The following CCDC33 variants were observed in gnomAD, a reference collection of about 807,000 sequenced individuals.
CCDC33 encodes coiled-coil domain containing 33.
Under a neutral mutation model 91.9 loss-of-function variants are expected in CCDC33, and 94 were observed. That is an observed-to-expected ratio of 1.02 (90% CI 0.87 to 1.21). The LOEUF is 1.21. Ranked by LOEUF, CCDC33 falls within the 50% of genes most tolerant of loss-of-function variation. The pLI is 0.00. For missense variants in CCDC33, 940 were observed against 935.5 expected (o/e 1.00, Z -0.06); for synonymous variants, 396 against 374.5 (o/e 1.06, Z -0.66).
chr15:74,331,358 CT>C, intron 15 of CCDC33, 62 bp downstream of exon 15: 1 of 1,538,222 alleles, frequency 6.5e-7, no homozygotes, highest in African/African-American at 1.4e-5. Flanking sequence ...GAGGCCCTGC[CT>C]TCCTGGAGCC....
chr15:74,307,958 CTG>C (rs915083030), intron 11 of CCDC33, among the ~76,000 whole-genome samples: 1 of 147,592 alleles, frequency 6.8e-6, no homozygotes, highest in African/African-American at 2.5e-5. Flanking sequence ...CTATGAGACT[CTG>C]TGGGCTCTCT....
intron 17 of CCDC33, 147 bp from the exon 18 acceptor site, chr15:74,334,828 C>G (rs1192134928): frequency 2.9e-6 from 2 of 686,388 alleles, no homozygotes; most frequent in African/African-American, 3.6e-5. Context: ...ACCCCGCCAC[C>G]CCTGAGGTCT....
chr15:74,277,498 C>T (rs2076479591), intron 7 of CCDC33, among the ~76,000 whole-genome samples: 4 of 152,204 alleles, frequency 2.6e-5, no homozygotes, highest in Admixed American at 2.6e-4. Flanking sequence ...CTGAAGATCA[C>T]AGCTGAGGGT....
chr15:74,308,787 G>A (rs1015509288), intron 11 of CCDC33, among the ~76,000 whole-genome samples: 3 of 152,178 alleles, frequency 2.0e-5, no homozygotes, highest in Non-Finnish European at 4.4e-5. Flanking sequence ...AGAGGGGCTC[G>A]GGGATTTGGA....
chr15:74,331,015 A>G lies in CCDC33; in HGVS notation c.1580A>G (p.Tyr527Cys). 6.2e-7 allele frequency: 1 copy of G among 1,608,994 alleles called. No homozygotes were observed. The highest frequency in any genetic ancestry group is 8.5e-7 in the Non-Finnish European group (1 of 1,177,624). ...CGAGAGAAGGAGCTGCTCCTTCTGT[A>G]TCAGGCCCAGCAGCCACAGGCCGCT... ...NDREKELLLL[Y>C]QAQQPQAALL... Residue 527 changes from tyrosine (Y) to cysteine (C), a missense_variant, in exon 14 of 19, where the codon TAT (tyrosine) becomes TGT (cysteine). Physicochemically the swap from Tyr to Cys is radical, Grantham distance 194. Coordinates refer to ENST00000398814, the MANE Select transcript of CCDC33 (RefSeq NM_025055.5).
At chr15:74,312,779 C>G (rs2060016482) in intron 11 of CCDC33, among the ~76,000 whole-genome samples, 1 of 152,144 alleles carries the variant, frequency 6.6e-6, no homozygotes, top group Admixed American at 6.5e-5. Flanking sequence ...ACTGTCTCCC[C>G]CCTCAGTCTA....
In CCDC33 at chr15:74,209,101, C is replaced by G. The variant is rs2074327584; in HGVS notation, n.90-287C>G. 6.9e-6 allele frequency: 9 copies of G among 1,308,210 alleles called. No homozygotes were observed. In the South Asian group the frequency reaches 1.8e-4, roughly 27 times the overall value. The allele number at this position is 1,308,210 out of a possible 1,614,324, so 81.0% of individuals were successfully genotyped here. ...CCCTCCTCCTGCCCTCACAGACCTC[C>G]CGCCCTTGATTCCGGGATCAGAGGA... On this transcript the variant is annotated intron_variant and non_coding_transcript_variant, in intron 1 of 3. Coordinates refer to the CCDC33 transcript ENST00000558645.
intron 9 of CCDC33, 45 bp from the exon 10 acceptor site, chr15:74,281,733 G>T: frequency 6.5e-7 from 1 of 1,541,928 alleles, no homozygotes; most frequent in South Asian, 1.1e-5. Context: ...AGAGGCGGAA[G>T]CTGCCCTGGC....
intron 11 of CCDC33, among the ~76,000 whole-genome samples, chr15:74,321,273 T>C (rs2142819872): frequency 6.6e-6 from 1 of 152,136 alleles, no homozygotes; most frequent in South Asian, 2.1e-4. Flanking sequence ...ATTTTTGAGA[T>C]GGAGTCTTGC....
intron 11 of CCDC33, among the ~76,000 whole-genome samples, chr15:74,324,673 GGCT>G (rs1345261025): frequency 6.6e-6 from 1 of 151,094 alleles, no homozygotes; most frequent in Non-Finnish European, 1.5e-5. Flanking sequence ...ATGGAACCAG[GGCT>G]GTCCTGCCAC....
In CCDC33 at chr15:74,262,524, G is replaced by T; in HGVS notation, c.270G>T (p.Trp90Cys). The T allele has an allele frequency of 1.9e-6, 3 of 1,613,912 alleles. No individual in the cohort carries two copies. The highest frequency in any genetic ancestry group is 2.5e-6 in the Non-Finnish European group (3 of 1,179,950). ...CAGAGCCCACCAGAGCCCCTATCTG[G>T]GGGGACACGGTGAATGTGGAGATCC... ...VTSEPTRAPIWGDTVNVEIQA... is the reference protein window; with the variant it reads ...VTSEPTRAPICGDTVNVEIQA... The change falls in exon 3 of 19, where the codon TGG (tryptophan) becomes TGT (cysteine). Residue 90 changes from tryptophan (W) to cysteine (C), a missense_variant. Physicochemically the swap from Trp to Cys is radical, Grantham distance 215 (BLOSUM62 -2). Coordinates refer to ENST00000398814, the MANE Select transcript of CCDC33 (RefSeq NM_025055.5).
intron 2 of CCDC33, among the ~76,000 whole-genome samples, chr15:74,252,063 A>G (rs905857427): frequency 1.3e-5 from 2 of 152,238 alleles, no homozygotes; most frequent in Admixed American, 6.5e-5. Context: ...CCAAGGTCAC[A>G]GAACTAGTTA....
chr15:74,214,705 C>A (rs1401880939), upstream of CCDC33, among the ~76,000 whole-genome samples: 1 of 152,202 alleles, frequency 6.6e-6, no homozygotes, highest in Non-Finnish European at 1.5e-5. Flanking sequence ...TACCCTCCAA[C>A]ACTGGTACCC....
chr15:74,295,957 C>G lies in CCDC33; in HGVS notation c.1290+9C>G. On this transcript the variant is annotated intron_variant, in intron 11 of 18. Transcript: ENST00000398814. ...AGATGTCCCATGACACAGTGAGTGT[C>G]TCTCCCCAGGTGGGAAGGGCCGGGG... 6.2e-7 allele frequency: 1 copy of G among 1,605,968 alleles called. No homozygotes were observed. The highest frequency in any genetic ancestry group is 8.5e-7 in the Non-Finnish European group (1 of 1,176,032).
At chr15:74,289,675 A>G (rs906787042) in intron 10 of CCDC33, among the ~76,000 whole-genome samples, 1 of 152,170 alleles carries the variant, frequency 6.6e-6, no homozygotes, top group Non-Finnish European at 1.5e-5. Context: ...AGATGGTGCC[A>G]CTTGGGGGTG....
intron 2 of CCDC33, chr15:74,209,850 G>A (rs1180845257): frequency 5.9e-6 from 1 of 169,168 alleles, no homozygotes; most frequent in African/African-American, 2.4e-5. Flanking sequence ...TAAAGGCCGG[G>A]CCAAGAAGCG....
At chr15:74,204,026 A>T (rs1264478314) in intron 1 of CCDC33, among the ~76,000 whole-genome samples, 1 of 152,178 alleles carries the variant, frequency 6.6e-6, no homozygotes, top group African/African-American at 2.4e-5. Flanking sequence ...GCAGGGCAGG[A>T]TTAGGGGCTG....
At chr15:74,231,844 G>A (rs2074981593), upstream of CCDC33, among the ~76,000 whole-genome samples, 1 of 152,120 alleles carries the variant, frequency 6.6e-6, no homozygotes, top group South Asian at 2.1e-4. Flanking sequence ...GGGAAACCTT[G>A]TCTCTACTGA....
chr15:74,203,705 C>T (rs1047148009), intron 1 of CCDC33, among the ~76,000 whole-genome samples: 8 of 152,208 alleles, frequency 5.3e-5, no homozygotes, highest in Non-Finnish European at 8.8e-5. Flanking sequence ...TCAGCGGGGA[C>T]ACAGCCAGAT....
Sources: gnomAD v4.1 joint callset for allele counts (sites outside exome capture counted in the v4.1 genomes callset) on GRCh38, gnomAD v4.1.1 for gene constraint, MANE v1.5 for transcripts, NCBI Gene and HGNC (gene_info 2026-07-23, HGNC 2026-07-21) for gene names.